The following FAS variants were observed in gnomAD, a reference collection of about 807,000 sequenced individuals.
FAS encodes the protein tumor necrosis factor receptor superfamily member 6.
In FAS, 5 loss-of-function variants were observed where a neutral mutation model predicts 33.2. That is an observed-to-expected ratio of 0.15 (90% CI 0.08 to 0.32). The LOEUF is 0.32. FAS is among the 10% of genes least tolerant of loss of function. The pLI is 1.00. For missense variants in FAS, 339 were observed against 386.0 expected, an observed-to-expected ratio of 0.88 and a Z score of 1.02; for synonymous variants, 131 against 130.7, an observed-to-expected ratio of 1.00 and a Z score of -0.01.
At chr10:88,999,160 T>TAA (rs58554920) in intron 1 of FAS, among the ~76,000 whole-genome samples, 3 of 133,204 alleles carry the variant, frequency 2.3e-5, no homozygotes, top group Non-Finnish European at 4.8e-5. Context: ...CTCAAAAAAA[T>TAA]AAATAAATAA....
chr10:88,981,254 GATA>G (rs1478707145), intron 2 of FAS, among the ~76,000 whole-genome samples: 3 of 152,186 alleles, frequency 2.0e-5, no homozygotes, highest in Non-Finnish European at 4.4e-5. Flanking sequence ...GTAAAATGAG[GATA>G]ATATTAGATG....
exon 2 of FAS, chr10:88,973,187 GA>G: frequency 6.2e-7 from 1 of 1,611,922 alleles, no homozygotes. Flanking sequence ...TATAGATTCA[GA>G]AATTCCTTTC....
upstream of FAS, among the ~76,000 whole-genome samples, chr10:88,985,826 G>T (rs894301350): frequency 4.6e-5 from 7 of 152,248 alleles, 1 homozygote; most frequent in Non-Finnish European, 1.5e-5. Context: ...CAGGGAGGAA[G>T]TCTAAAGTAG....
chr10:89,010,151 C>A (rs1034937635), intron 4 of FAS, among the ~76,000 whole-genome samples: 1 of 152,150 alleles, frequency 6.6e-6, no homozygotes, highest in African/African-American at 2.4e-5. Context: ...TGGCCATTTT[C>A]TTGGTCTATA....
intron 2 of FAS, among the ~76,000 whole-genome samples, chr10:89,005,999 G>A (rs1848207032): frequency 6.6e-6 from 1 of 152,074 alleles, no homozygotes; most frequent in South Asian, 2.1e-4. Context: ...ATAAGCATAT[G>A]TACCATTATA....
chr10:88,979,454 G>A (rs1846655770), intron 2 of FAS, among the ~76,000 whole-genome samples: 1 of 152,098 alleles, frequency 6.6e-6, no homozygotes, highest in African/African-American at 2.4e-5. Context: ...TAATTGTCAG[G>A]AACCCTTAAA....
Position 89,014,215 on chromosome 10 carries a change from A to C in FAS, c.773A>C (p.Lys258Thr). 6.2e-7 allele frequency: 1 copy of C among 1,613,994 alleles called. No individual in the cohort carries two copies. The highest frequency in any genetic ancestry group is 8.5e-7 in the Non-Finnish European group (1 of 1,179,934). Residue 258 changes from lysine (K) to threonine (T), a missense_variant, in exon 9 of 9, where the codon AAA becomes ACA. Lys to Thr is a moderately conservative substitution (Grantham distance 78). Coordinates refer to ENST00000652046, the MANE Select transcript of FAS (RefSeq NM_000043.6). ...FVRKNGVNEA[K>T]IDEIKNDNVQ... ...CGAAAGAATGGTGTCAATGAAGCCAAAATAGATGAGATCAAGAATGACAAT... is the reference window on the plus strand; with the variant it reads ...CGAAAGAATGGTGTCAATGAAGCCACAATAGATGAGATCAAGAATGACAAT...
chr10:89,002,974 C>G (rs1848012829), intron 1 of FAS, 55 bp from the exon 2 acceptor site: 2 of 1,605,572 alleles, frequency 1.2e-6, no homozygotes, highest in Admixed American at 1.7e-5. Context: ...CACTTGTTTA[C>G]CACGTTGCTT....
At chr10:88,973,015 T>A (rs892173289) in intron 1 of FAS, among the ~76,000 whole-genome samples, 1 of 152,232 alleles carries the variant, frequency 6.6e-6, no homozygotes, top group Non-Finnish European at 1.5e-5. Flanking sequence ...AAAGCAAAAT[T>A]GAAACCATTT....
chr10:88,967,285 C>T (rs1241311601), intron 1 of FAS, among the ~76,000 whole-genome samples: 1 of 152,088 alleles, frequency 6.6e-6, no homozygotes, highest in Non-Finnish European at 1.5e-5. Flanking sequence ...TGATAAAAGG[C>T]ATCATCAGGT....
chr10:89,003,364 T>C (rs1262882034), intron 2 of FAS, among the ~76,000 whole-genome samples, 170 bp downstream of exon 2: 2 of 152,238 alleles, frequency 1.3e-5, no homozygotes, highest in African/African-American at 2.4e-5. Context: ...TTATTTATAT[T>C]TATCACGCTT....
intron 1 of FAS, among the ~76,000 whole-genome samples, chr10:88,997,525 G>C (rs1847672518): frequency 6.6e-6 from 1 of 152,080 alleles, no homozygotes; most frequent in African/African-American, 2.4e-5. Context: ...GTATTTTTAT[G>C]TACAGATTTT....
chr10:89,010,411 T>C (rs1848465393), intron 4 of FAS, 128 bp from the exon 5 acceptor site: 5 of 735,890 alleles, frequency 6.8e-6, no homozygotes, highest in Non-Finnish European at 1.2e-5. Flanking sequence ...TTAGAAATAT[T>C]TGAAGGAATA....
chr10:88,965,278 G>GCC (rs142562970), intron 1 of FAS, among the ~76,000 whole-genome samples: 8,987 of 152,114 alleles, frequency 0.059, 863 homozygotes, highest in African/African-American at 0.2. Context: ...AGGGCACCCT[G>GCC]CCCTTCTACA....
At chr10:88,971,608 G>A (rs1392690503) in intron 1 of FAS, among the ~76,000 whole-genome samples, 1 of 152,060 alleles carries the variant, frequency 6.6e-6, no homozygotes, top group South Asian at 2.1e-4. Context: ...TATAATAAAA[G>A]TCATAATGCC....
chr10:88,967,460 T>C lies in FAS; in HGVS notation n.95-5722T>C, dbSNP rs79958643. On this transcript the variant is annotated intron_variant and non_coding_transcript_variant, in intron 1 of 3. Coordinates refer to the FAS transcript ENST00000688239. ...TTCATCAGGTGGCGATGAGGACAGA[T>C]GCGAGAATACAGTGGAATACTGAAT... 4.6e-5 allele frequency among the ~76,000 whole-genome samples: 7 copies of C among 152,308 alleles called. No homozygotes were observed. The East Asian group carries it at 1.3e-3, about 29-fold the overall frequency.
Position 89,010,664 on chromosome 10 carries a change from ACCAATCACTCTT to A in FAS, c.505+65_505+76del, listed in dbSNP as rs1564695139. ...ACCCCATGGAAAGATGTGAAGAAAA[ACCAATCACTCTT>A]GATTACTAGAAAGTCCTTTATTTAA... On this transcript the variant is annotated intron_variant, in intron 5 of 8. Coordinates refer to ENST00000652046, the MANE Select transcript of FAS (RefSeq NM_000043.6). 6.8e-6 allele frequency: 11 copies of A among 1,607,078 alleles called. No individual in the cohort carries two copies. The Admixed American group carries it at 8.3e-5, about 12-fold the overall frequency.
chr10:88,974,299 C>T (rs1421273295), intron 2 of FAS: 1 of 151,162 alleles, frequency 6.6e-6, no homozygotes, highest in East Asian at 1.9e-4. Flanking sequence ...TGAACCAATG[C>T]CAAATAGAAA....
intron 1 of FAS, among the ~76,000 whole-genome samples, chr10:88,993,350 T>G (rs1847382821): frequency 6.6e-6 from 1 of 151,810 alleles, no homozygotes; most frequent in South Asian, 2.1e-4. Context: ...GCCAAGAAAC[T>G]TGAGCAGCCT....
Sources: gnomAD v4.1 joint callset for allele counts (sites outside exome capture counted in the v4.1 genomes callset) on GRCh38, gnomAD v4.1.1 for gene constraint, MANE v1.5 for transcripts, NCBI Gene and HGNC (gene_info 2026-07-23, HGNC 2026-07-21) for gene names.